The following NFIB variants were observed in gnomAD, a reference collection of about 807,000 sequenced individuals.
The protein encoded by NFIB is nuclear factor I B.
NFIB carries 11 observed loss-of-function variants against 61.5 expected under a neutral mutation model. The observed-to-expected ratio is 0.18, with a 90% CI of 0.11 to 0.30. NFIB has a LOEUF of 0.30. NFIB is among the 10% of genes least tolerant of loss of function. NFIB has a pLI of 1.00. For missense variants in NFIB, 471 were observed against 608.9 expected (o/e 0.77, Z 2.38); for synonymous variants, 260 against 216.5 (o/e 1.20, Z -1.76).
intron 1 of NFIB, among the ~76,000 whole-genome samples, chr9:14,312,802 G>A (rs780776737): frequency 6.6e-5 from 10 of 152,304 alleles, no homozygotes; most frequent in South Asian, 2.1e-4. Flanking sequence ...AAAGGAACAC[G>A]TTCTAAAAAC....
chr9:14,313,698 A>C lies in NFIB; in HGVS notation c.-187T>G. On this transcript the variant is annotated 5_prime_UTR_variant, in exon 1 of 11. Transcript: ENST00000380953. The surrounding 1 kb of genome is among the most constrained non-coding windows in gnomAD (Gnocchi z 4.5). ...CTTAAATAGCCAAAGATTCAAGTTC[A>C]CTCGGCGTGCTAGATTTCCAGGGGT... 7.0e-7 allele frequency: 1 copy of C among 1,422,868 alleles called. No homozygotes were observed. The highest frequency in any genetic ancestry group is 9.2e-7 in the Non-Finnish European group (1 of 1,088,050). The allele number at this position is 1,422,868 out of a possible 1,614,324, so 88.1% of individuals were successfully genotyped here. A position where few individuals can be genotyped will look rare whatever the true frequency, so the allele number is the denominator to read the frequency against.
chr9:14,437,368 T>C, the NFIB span, among the ~76,000 whole-genome samples: 1 of 152,360 alleles, frequency 6.6e-6, no homozygotes, highest in Non-Finnish European at 1.5e-5. Flanking sequence ...CTTATTTCCC[T>C]GCCTATGGCA....
At chr9:14,441,241 G>A in the NFIB span, among the ~76,000 whole-genome samples, 2 of 150,986 alleles carry the variant, frequency 1.3e-5, no homozygotes, top group African/African-American at 2.4e-5. Flanking sequence ...AAATAGCTAC[G>A]ACATTTAATA....
intron 3 of NFIB, among the ~76,000 whole-genome samples, chr9:14,171,710 C>T (rs1563861137): frequency 1.3e-5 from 2 of 151,842 alleles, no homozygotes; most frequent in Non-Finnish European, 2.9e-5. Flanking sequence ...ACAAAGAAAA[C>T]AAAAAACCCA....
chr9:14,446,660 T>G, the NFIB span, among the ~76,000 whole-genome samples: 1 of 152,150 alleles, frequency 6.6e-6, no homozygotes, highest in Non-Finnish European at 1.5e-5. Flanking sequence ...AAATCATACT[T>G]AAAAATTATG....
In NFIB at chr9:14,327,853, C is replaced by T. The variant is rs77401636; in HGVS notation, c.109-20333G>A. Among the ~76,000 whole-genome samples the T allele has an allele frequency of 3.9e-3, 590 of 152,222 alleles. 4 individuals are homozygous for T. Among genetic ancestry groups the T allele is most frequent in the Non-Finnish European group, 6.3e-3 (431 of 68,002 alleles). On this transcript the variant is annotated intron_variant, in intron 1 of 8. Coordinates refer to the NFIB transcript ENST00000380934. The stretch of plus-strand genomic sequence containing the variant: ...AAACAAAACCCTCCTATAATATATT[C>T]AAAAGTCAAACAAACAAAGTTGGGA...
rs1347543235 is a variant in NFIB at position 14,116,273 on chromosome 9, G to C, written c.1319C>G (p.Pro440Arg). Residue 440 changes from proline (P) to arginine (R), a missense_variant, in exon 9 of 11, where the codon CCC (proline) becomes CGC (arginine). Physicochemically the swap from Pro to Arg is moderately radical, Grantham distance 103 (BLOSUM62 -2). Coordinates refer to ENST00000380953, the MANE Select transcript of NFIB (RefSeq NM_001190737.2). ...CAGGGTCACAGGTCGCACTGCACTG[G>C]GATGGGGAGAGGGTGCCAAGACAGG... ...FTPVLAPSPH[P>R]SAVRPVTLSM... The C allele has an allele frequency of 1.3e-6, 2 of 1,538,242 alleles. No individual in the cohort carries two copies. Among genetic ancestry groups the C allele is most frequent in the Non-Finnish European group, 1.8e-6 (2 of 1,140,224 alleles).
At chr9:14,374,322 G>C (rs930386856) in intron 1 of NFIB, among the ~76,000 whole-genome samples, 1 of 152,154 alleles carries the variant, frequency 6.6e-6, no homozygotes, top group African/African-American at 2.4e-5. Context: ...TCTACATTTA[G>C]GGCCTGGGGA....
At chr9:14,427,937 GTTTT>G in the NFIB span, among the ~76,000 whole-genome samples, 14 of 43,418 alleles carry the variant, frequency 3.2e-4, no homozygotes, top group South Asian at 1.6e-3. Context: ...TAATTCAGTT[GTTTT>G]TTTTTTTTTT....
the NFIB span, among the ~76,000 whole-genome samples, chr9:14,441,592 T>C: frequency 1.5e-3 from 154 of 105,976 alleles, no homozygotes; most frequent in African/African-American, 5.0e-3. Context: ...TTTTTCTTCT[T>C]CCTCTTTTTT....
the NFIB span, among the ~76,000 whole-genome samples, chr9:14,488,049 G>C: frequency 6.6e-6 from 1 of 152,162 alleles, no homozygotes; most frequent in African/African-American, 2.4e-5. Context: ...GGTTCAGGAA[G>C]ACTTAAATGT....
chr9:14,489,228 T>C, the NFIB span, among the ~76,000 whole-genome samples: 4 of 152,356 alleles, frequency 2.6e-5, no homozygotes, highest in South Asian at 8.3e-4. Flanking sequence ...AGTAGTTTCA[T>C]GTAAATGTTC....
rs1406259575 is a variant in NFIB, at chr9:14,220,865, A to ACACACG, written c.563-41086_563-41085insCGTGTG. On this transcript the variant is annotated intron_variant, in intron 2 of 10. Transcript: ENST00000380953. ...CCTACACACACACACACACACACAC[A>ACACACG]CACACACACACACACACACACCACA... is the stretch of plus-strand genomic sequence containing the variant. Among the ~76,000 whole-genome samples, 26 of 151,206 alleles carry ACACACG rather than the reference A, an allele frequency of 1.7e-4. No homozygotes were observed. In the South Asian group the frequency reaches 2.3e-3, roughly 13 times the overall value.
intron 1 of NFIB, among the ~76,000 whole-genome samples, chr9:14,373,637 CAT>C (rs2061383732): frequency 7.9e-6 from 1 of 127,004 alleles, no homozygotes. Context: ...TGTGTGTCCA[CAT>C]GAGTGTGTGT....
the NFIB span, among the ~76,000 whole-genome samples, chr9:14,435,786 A>C: frequency 1.3e-5 from 2 of 152,238 alleles, no homozygotes; most frequent in Non-Finnish European, 2.9e-5. Context: ...CTGTGTTTAA[A>C]AGGAAGGTGG....
chr9:14,299,534 C>T (rs915685913), intron 2 of NFIB, among the ~76,000 whole-genome samples: 2 of 152,132 alleles, frequency 1.3e-5, no homozygotes, highest in African/African-American at 2.4e-5. Flanking sequence ...TATTTTATTT[C>T]GCACTTGTTT....
chr9:14,258,714 G>A (rs988176623), intron 2 of NFIB, among the ~76,000 whole-genome samples: 2 of 152,062 alleles, frequency 1.3e-5, no homozygotes, highest in South Asian at 4.1e-4. Context: ...TCCAAAATAC[G>A]TGCTTTTAAA....
chr9:14,131,513 G>A (rs142879566), intron 6 of NFIB, among the ~76,000 whole-genome samples: 49 of 152,126 alleles, frequency 3.2e-4, no homozygotes, highest in Admixed American at 7.9e-4. Flanking sequence ...GAAGAGAGTC[G>A]CTGTGAAACA....
At chr9:14,144,412 T>C (rs1037513294) in intron 6 of NFIB, among the ~76,000 whole-genome samples, 2 of 152,168 alleles carry the variant, frequency 1.3e-5, no homozygotes, top group African/African-American at 4.8e-5. Context: ...GCTGACAATG[T>C]CAGTAAAACA....
Sources: allele counts gnomAD v4.1 joint callset (sites outside exome capture counted in the v4.1 genomes callset), GRCh38; gene constraint gnomAD v4.1.1; non-coding constraint Gnocchi (gnomAD v3.1); transcripts MANE v1.5; gene names NCBI Gene and HGNC (gene_info 2026-07-23, HGNC 2026-07-21).